Variants in PTPRT observed in about 807,000 individuals in gnomAD.
PTPRT encodes protein tyrosine phosphatase receptor type T, also known as receptor-type tyrosine-protein phosphatase T.
A neutral mutation model predicts 176.8 loss-of-function variants in PTPRT; 56 were observed. The ratio of observed to expected loss-of-function variants is 0.32; its 90% CI spans 0.26 to 0.40. The LOEUF (loss-of-function observed/expected upper bound fraction) is 0.40, where lower values mean the gene tolerates loss of function less well. Ranked by LOEUF, PTPRT falls within the 10% of genes least tolerant of loss-of-function variation. The pLI is 1.00. For missense variants in PTPRT, 1,540 were observed against 1,908.2 expected (o/e 0.81, Z 3.60); for synonymous variants, 783 against 739.0 (o/e 1.06, Z -0.96).
chr20:42,103,632 A>T (rs1291976031), intron 25 of PTPRT, among the ~76,000 whole-genome samples: 1 of 152,010 alleles, frequency 6.6e-6, no homozygotes, highest in African/African-American at 2.4e-5. Context: ...TGCCTGGCTC[A>T]CTTGTTTTGT....
At chr20:42,589,878 CCAAAGATGGT>C (rs550308923) in intron 7 of PTPRT, among the ~76,000 whole-genome samples, 50 of 152,212 alleles carry the variant, frequency 3.3e-4, no homozygotes, top group African/African-American at 1.2e-3. Context: ...ATTATATTTT[CCAAAGATGGT>C]CATGACCACG....
chr20:42,733,251 C>T (rs149429943), intron 6 of PTPRT, among the ~76,000 whole-genome samples: 5 of 152,214 alleles, frequency 3.3e-5, no homozygotes, highest in Non-Finnish European at 4.4e-5. Context: ...AAGATCACAG[C>T]GGGAGGATGG....
chr20:42,087,253 C>T (rs6102669), intron 27 of PTPRT, among the ~76,000 whole-genome samples: 49,583 of 151,308 alleles, frequency 0.33, 9,099 homozygotes, highest in African/African-American at 0.51. Flanking sequence ...ATTTTTGAGA[C>T]GGAGTCTCAC....
Position 42,073,614 on chromosome 20 carries a change from T to C in PTPRT, c.*7265A>G, listed in dbSNP as rs1052789500. 113 of 220,162 alleles carry C rather than the reference T, an allele frequency of 5.1e-4. 1 individual carries two copies. In the East Asian group the frequency reaches 7.5e-3, roughly 15 times the overall value. The allele number at this position is 220,162 out of a possible 1,614,324, so 13.6% of individuals were successfully genotyped here. On this transcript the variant is annotated 3_prime_UTR_variant, in exon 31 of 31. Coordinates refer to ENST00000373187, the MANE Select transcript of PTPRT (RefSeq NM_007050.6). ...CTCTCATGAGAGATCTACATGGGTA[T>C]TGGGTCTATGGCAAAGCAGCTGTTC...
At chr20:42,455,274 A>T (rs1601057686) in intron 8 of PTPRT, among the ~76,000 whole-genome samples, 1 of 152,314 alleles carries the variant, frequency 6.6e-6, no homozygotes, top group East Asian at 1.9e-4. Context: ...AGAGTCAATG[A>T]GTCAGTGCTG....
At chr20:42,743,541 C>T (rs1051897123) in intron 6 of PTPRT, among the ~76,000 whole-genome samples, 2 of 152,156 alleles carry the variant, frequency 1.3e-5, no homozygotes, top group African/African-American at 2.4e-5. Flanking sequence ...CGGGAATAAG[C>T]GTGAAGCCTG....
At chr20:42,187,393 C>G (rs144149136) in intron 16 of PTPRT, among the ~76,000 whole-genome samples, 1 of 152,172 alleles carries the variant, frequency 6.6e-6, no homozygotes, top group African/African-American at 2.4e-5. Context: ...AAAAGTCAAC[C>G]GGTGCTGAGT....
At chr20:42,782,149 G>T (rs901109680) in intron 3 of PTPRT, among the ~76,000 whole-genome samples, 2 of 152,034 alleles carry the variant, frequency 1.3e-5, no homozygotes, top group Non-Finnish European at 2.9e-5. Flanking sequence ...TTTCTATTTA[G>T]GCTCAGATAA....
chr20:42,910,767 A>G (rs928428748), intron 1 of PTPRT, among the ~76,000 whole-genome samples: 2 of 152,218 alleles, frequency 1.3e-5, no homozygotes, highest in Non-Finnish European at 2.9e-5. Context: ...ATGACTTTCA[A>G]AAGAACATTG....
Position 42,434,593 on chromosome 20 carries a change from T to C in PTPRT, c.1560+13627A>G, listed in dbSNP as rs117548557. Among the ~76,000 whole-genome samples the C allele has an allele frequency of 1.6e-3, 250 of 151,614 alleles. 1 individual carries two copies. Among genetic ancestry groups the C allele is most frequent in the East Asian group, 0.011 (56 of 5,148 alleles). ...TGGACTAATGGATGCTAAGAGATACTTCTGTTACTCTACCTACGCCTTCAA... is the reference window on the plus strand; with the variant it reads ...TGGACTAATGGATGCTAAGAGATACCTCTGTTACTCTACCTACGCCTTCAA... On this transcript the variant is annotated intron_variant, in intron 9 of 30. Transcript: ENST00000373187.
intron 16 of PTPRT, among the ~76,000 whole-genome samples, chr20:42,179,956 T>C (rs925212106): frequency 4.6e-5 from 7 of 152,200 alleles, no homozygotes; most frequent in Admixed American, 3.3e-4. Flanking sequence ...CATCTTGAGC[T>C]AAAGAAGATC....
At chr20:42,588,395 G>A (rs756423636) in intron 7 of PTPRT, among the ~76,000 whole-genome samples, 10 of 152,054 alleles carry the variant, frequency 6.6e-5, no homozygotes, top group Non-Finnish European at 1.3e-4. Context: ...AGTCAGCTGA[G>A]ACTGTTTTGT....
intron 6 of PTPRT, among the ~76,000 whole-genome samples, chr20:42,751,798 TA>T (rs2076774249): frequency 6.6e-6 from 1 of 152,158 alleles, no homozygotes; most frequent in African/African-American, 2.4e-5. Flanking sequence ...GACTAAAGGC[TA>T]CACTGCCGAG....
chr20:42,652,381 G>A (rs1199604214), intron 7 of PTPRT, among the ~76,000 whole-genome samples: 3 of 152,160 alleles, frequency 2.0e-5, no homozygotes, highest in Admixed American at 6.5e-5. Context: ...AGGTACCAGA[G>A]CTTAGAAGAC....
chr20:42,841,949 G>T (rs568546785), intron 2 of PTPRT, among the ~76,000 whole-genome samples: 2 of 152,290 alleles, frequency 1.3e-5, no homozygotes, highest in African/African-American at 4.8e-5. Context: ...CCCCAGCTTT[G>T]CCCTGCTCCC....
chr20:42,100,409 T>C (rs73129199), intron 26 of PTPRT, among the ~76,000 whole-genome samples: 6,138 of 152,318 alleles, frequency 0.04, 181 homozygotes, highest in Middle Eastern at 0.068. Flanking sequence ...GATAATGCAC[T>C]GACTGGGCTG....
chr20:43,030,731 TCC>T (rs1986108564), intron 1 of PTPRT, among the ~76,000 whole-genome samples: 1 of 152,166 alleles, frequency 6.6e-6, no homozygotes, highest in Non-Finnish European at 1.5e-5. Context: ...GAGGTGGTCT[TCC>T]TGCCACAGGA....
At position 42,807,294 on chromosome 20, in the gene PTPRT, T is replaced by C. The variant is rs74472552; in HGVS notation, c.215-15828A>G. ...CGACCATTCCTATTAGCCTTGGAGT[T>C]GAGGGAAAACTCTCCCAGATTCTGT... is the stretch of plus-strand genomic sequence containing the variant. On this transcript the variant is annotated intron_variant, in intron 2 of 30. Coordinates refer to ENST00000373187, the MANE Select transcript of PTPRT (RefSeq NM_007050.6). 7.0e-4 allele frequency among the ~76,000 whole-genome samples: 107 copies of C among 152,316 alleles called. 1 individual carries two copies. In the East Asian group the frequency reaches 0.018, roughly 26 times the overall value.
chr20:42,069,774 T>C (rs1982243187), downstream of PTPRT, among the ~76,000 whole-genome samples: 1 of 152,246 alleles, frequency 6.6e-6, no homozygotes, highest in African/African-American at 2.4e-5. Flanking sequence ...CCAAATGTCC[T>C]TGAATAACTA....
Sources: gnomAD v4.1 joint callset for allele counts (sites outside exome capture counted in the v4.1 genomes callset) on GRCh38, gnomAD v4.1.1 for gene constraint, MANE v1.5 for transcripts, NCBI Gene and HGNC (gene_info 2026-07-23, HGNC 2026-07-21) for gene names.